The following CCDC102B variants were observed in gnomAD, a reference collection of about 807,000 sequenced individuals.
CCDC102B encodes the protein coiled-coil domain containing 102B.
CCDC102B carries 75 observed loss-of-function variants against 57.4 expected under a neutral mutation model. The ratio of observed to expected loss-of-function variants is 1.31; its 90% confidence interval spans 1.08 to 1.58. The LOEUF (loss-of-function observed/expected upper bound fraction) is 1.58, where lower values mean the gene tolerates loss of function less well. Ranked by LOEUF, CCDC102B falls within the 40% of genes most tolerant of loss-of-function variation. The pLI is 0.00. For synonymous variants in CCDC102B, 206 were observed against 201.9 expected (o/e 1.02, Z -0.17); for missense variants, 636 against 582.6 (o/e 1.09, Z -0.94).
intron 6 of CCDC102B, among the ~76,000 whole-genome samples, chr18:68,976,185 G>A (rs2050433646): frequency 6.6e-6 from 1 of 151,930 alleles, no homozygotes; most frequent in Admixed American, 6.6e-5. Context: ...ACAGCAAACT[G>A]CTGGACTAAT....
At chr18:68,803,128 G>A (rs2035913466) in intron 1 of CCDC102B, among the ~76,000 whole-genome samples, 1 of 152,110 alleles carries the variant, frequency 6.6e-6, no homozygotes, top group African/African-American at 2.4e-5. Flanking sequence ...ATATCTAAAA[G>A]CCACCTTCTT....
At chr18:68,730,588 A>G (rs567547274) in intron 2 of CCDC102B, among the ~76,000 whole-genome samples, 75 of 152,336 alleles carry the variant, frequency 4.9e-4, no homozygotes, top group African/African-American at 1.7e-3. Flanking sequence ...GCAATTGACT[A>G]GAACACTTAT....
chr18:68,715,341 G>T, exon 1 of CCDC102B: 1 of 897,298 alleles, frequency 1.1e-6, no homozygotes, highest in Non-Finnish European at 1.4e-6. Flanking sequence ...GAATACCGGT[G>T]AAAGTTATGC....
At chr18:68,957,473 A>G (rs768643437) in intron 6 of CCDC102B, among the ~76,000 whole-genome samples, 17 of 149,278 alleles carry the variant, frequency 1.1e-4, no homozygotes, top group Non-Finnish European at 2.4e-4. Flanking sequence ...TTGGTTTGTG[A>G]GTCTCTTTTT....
At chr18:68,741,144 A>G (rs539259642) in intron 2 of CCDC102B, among the ~76,000 whole-genome samples, 2 of 152,328 alleles carry the variant, frequency 1.3e-5, no homozygotes, top group East Asian at 1.9e-4. Flanking sequence ...TCACAGCGCA[A>G]ATAGTGTTAA....
At chr18:68,918,986 T>C (rs1439560067) in intron 6 of CCDC102B, among the ~76,000 whole-genome samples, 2 of 152,030 alleles carry the variant, frequency 1.3e-5, no homozygotes, top group East Asian at 3.9e-4. Context: ...AAGAAGGGAA[T>C]ATACATTATC....
At chr18:68,818,481 A>C (rs142142560) in intron 1 of CCDC102B, among the ~76,000 whole-genome samples, 4 of 152,314 alleles carry the variant, frequency 2.6e-5, no homozygotes, top group Admixed American at 6.5e-5. Flanking sequence ...GCCAATACCC[A>C]GATCAAGTAA....
At chr18:68,812,297 A>C (rs190627642) in intron 1 of CCDC102B, among the ~76,000 whole-genome samples, 20 of 152,060 alleles carry the variant, frequency 1.3e-4, no homozygotes, top group Middle Eastern at 3.2e-3. Context: ...ATTCTACTTT[A>C]TAAAAAGTGA....
chr18:68,967,472 A>G (rs571176888), intron 6 of CCDC102B, among the ~76,000 whole-genome samples: 1 of 152,302 alleles, frequency 6.6e-6, no homozygotes, highest in South Asian at 2.1e-4. Flanking sequence ...ATAATTATAA[A>G]TGAATAAGAT....
intron 2 of CCDC102B, among the ~76,000 whole-genome samples, chr18:68,728,409 A>C (rs558239815): frequency 6.6e-6 from 1 of 152,346 alleles, no homozygotes; most frequent in Admixed American, 6.5e-5. Context: ...GGCTGCTAAT[A>C]CTACCCAAAG....
intron 7 of CCDC102B, among the ~76,000 whole-genome samples, chr18:69,015,762 C>G (rs1336462270): frequency 6.6e-6 from 1 of 152,148 alleles, no homozygotes; most frequent in Non-Finnish European, 1.5e-5. Context: ...ACAAAAGTAT[C>G]TAATATATTT....
Position 68,897,778 on chromosome 18 carries a change from A to G in CCDC102B, c.1263+350A>G, listed in dbSNP as rs1186113859. 8 of 515,270 alleles carry G rather than the reference A, an allele frequency of 1.6e-5. No homozygotes were observed. In the East Asian group the frequency reaches 5.4e-4, roughly 35 times the overall value. 31.9% of individuals were successfully genotyped at this position (515,270 alleles called of 1,614,324 possible). Reference sequence around the variant, plus strand: ...TCTTATTTCCAATAAAGATTTTTTCATTAATTCAAGCGACTATACAATAAG... The same window carrying G: ...TCTTATTTCCAATAAAGATTTTTTCGTTAATTCAAGCGACTATACAATAAG... On this transcript the variant is annotated intron_variant, in intron 6 of 7. Coordinates refer to ENST00000360242, the MANE Select transcript of CCDC102B (RefSeq NM_024781.3).
chr18:69,051,190 G>A (rs2052695607), intron 7 of CCDC102B, among the ~76,000 whole-genome samples: 1 of 151,902 alleles, frequency 6.6e-6, no homozygotes, highest in African/African-American at 2.4e-5. Flanking sequence ...GGCCTAATAA[G>A]GCAATTTATA....
chr18:68,722,890 T>G (rs1938548495), intron 2 of CCDC102B, among the ~76,000 whole-genome samples: 1 of 151,734 alleles, frequency 6.6e-6, no homozygotes, highest in Admixed American at 6.6e-5. Flanking sequence ...TTTTTTTTCT[T>G]TTTGCAACCT....
intron 2 of CCDC102B, chr18:68,754,701 GT>G (rs981436684): frequency 6.6e-6 from 1 of 152,182 alleles, no homozygotes; most frequent in Non-Finnish European, 1.5e-5. Flanking sequence ...TGGGGAGACT[GT>G]TACGGACTGA....
chr18:68,881,529 G>C (rs1440139009), intron 5 of CCDC102B, among the ~76,000 whole-genome samples: 1 of 152,098 alleles, frequency 6.6e-6, no homozygotes, highest in Non-Finnish European at 1.5e-5. Context: ...CACTTGAATG[G>C]GTGCATTGAG....
At chr18:68,918,279 T>A (rs1372973308) in intron 6 of CCDC102B, among the ~76,000 whole-genome samples, 1 of 152,198 alleles carries the variant, frequency 6.6e-6, no homozygotes, top group Non-Finnish European at 1.5e-5. Context: ...TTAGATGATT[T>A]TTGTTTTAGG....
At chr18:68,818,244 C>T (rs1599508564) in intron 1 of CCDC102B, among the ~76,000 whole-genome samples, 1 of 151,972 alleles carries the variant, frequency 6.6e-6, no homozygotes, top group Non-Finnish European at 1.5e-5. Context: ...TGGGAGAACA[C>T]GTTACTATGT....
At chr18:68,840,060 A>G (rs1490422500) in intron 3 of CCDC102B, among the ~76,000 whole-genome samples, 1 of 152,214 alleles carries the variant, frequency 6.6e-6, no homozygotes, top group African/African-American at 2.4e-5. Flanking sequence ...AGAGAATAGT[A>G]ATATGAAATG....
Sources: allele counts gnomAD v4.1 joint callset (sites outside exome capture counted in the v4.1 genomes callset), GRCh38; gene constraint gnomAD v4.1.1; transcripts MANE v1.5; gene names NCBI Gene and HGNC (gene_info 2026-07-23, HGNC 2026-07-21).